Variants in GPC5 observed in about 807,000 individuals in gnomAD.
GPC5 encodes glypican 5, also known as glypican-5.
GPC5 carries 47 observed loss-of-function variants against 53.9 expected under a neutral mutation model. That is an observed-to-expected ratio of 0.87 (90% CI 0.69 to 1.11). GPC5 has a LOEUF of 1.11. GPC5 is among the 50% of genes most tolerant of loss of function. The pLI, the probability that GPC5 is intolerant of heterozygous loss-of-function variation, is 0.00. For synonymous variants in GPC5, 286 were observed against 263.3 expected (o/e 1.09, Z -0.84); for missense variants, 748 against 713.1 (o/e 1.05, Z -0.56).
intron 7 of GPC5, among the ~76,000 whole-genome samples, chr13:92,863,739 T>C (rs767263395): frequency 4.1e-4 from 62 of 152,130 alleles, no homozygotes; most frequent in Non-Finnish European, 8.8e-5. Flanking sequence ...GTGATCTGCC[T>C]GCATCAGCCT....
intron 5 of GPC5, among the ~76,000 whole-genome samples, chr13:91,896,391 T>C (rs1051801718): frequency 6.6e-6 from 1 of 152,148 alleles, no homozygotes; most frequent in African/African-American, 2.4e-5. Context: ...AGTGTTGGGA[T>C]TACAGGCATG....
intron 2 of GPC5, among the ~76,000 whole-genome samples, chr13:91,536,637 CTGTCTTCTCCCTGTGTATGTTCACAT>C (rs1255449916): frequency 6.6e-6 from 1 of 152,176 alleles, no homozygotes. Context: ...TTGTGCACGG[CTGTCTTCTCCCTGTGTATGTTCACAT>C]TGTCTTTCCT....
Position 91,412,392 on chromosome 13 carries a change from G to T in GPC5, c.163+13183G>T, listed in dbSNP as rs146866059. 5.6e-3 allele frequency among the ~76,000 whole-genome samples: 857 copies of T among 152,268 alleles called. 6 individuals carry two copies. Among genetic ancestry groups the T allele is most frequent in the African/African-American group, 0.02 (837 of 41,564 alleles). On this transcript the variant is annotated intron_variant, in intron 1 of 7. Coordinates refer to ENST00000377067, the MANE Select transcript of GPC5 (RefSeq NM_004466.6). ...GCCTTTCTTAAAAATAAAAGAACATGATTGTATTTGAATACATAACTTCTG... is the reference window on the plus strand; with the variant it reads ...GCCTTTCTTAAAAATAAAAGAACATTATTGTATTTGAATACATAACTTCTG...
At chr13:91,571,921 T>TACGTGTG (rs1426983247) in intron 2 of GPC5, among the ~76,000 whole-genome samples, 8 of 108,730 alleles carry the variant, frequency 7.4e-5, no homozygotes, top group South Asian at 4.5e-4. Flanking sequence ...TATACACATA[T>TACGTGTG]TGTATATATA....
chr13:92,865,068 T>A (rs1156721805), intron 7 of GPC5, among the ~76,000 whole-genome samples: 7 of 152,168 alleles, frequency 4.6e-5, no homozygotes, highest in South Asian at 4.1e-4. Flanking sequence ...TAATAAGTGA[T>A]GAATCAGTAA....
At chr13:92,776,233 G>A (rs1791358065) in intron 7 of GPC5, among the ~76,000 whole-genome samples, 2 of 152,094 alleles carry the variant, frequency 1.3e-5, no homozygotes, top group Non-Finnish European at 2.9e-5. Context: ...GGCCAGTAGT[G>A]TAGCGTCTTT....
intron 7 of GPC5, among the ~76,000 whole-genome samples, chr13:92,829,856 A>G (rs956684737): frequency 6.6e-6 from 1 of 152,278 alleles, no homozygotes; most frequent in Non-Finnish European, 1.5e-5. Flanking sequence ...AAAAGTAGAT[A>G]GAGAAAAGAT....
At chr13:92,058,654 C>A (rs529123745) in intron 6 of GPC5, among the ~76,000 whole-genome samples, 1 of 152,154 alleles carries the variant, frequency 6.6e-6, no homozygotes, top group Non-Finnish European at 1.5e-5. Context: ...GCAATTCTCC[C>A]TGCCTCAGCC....
intron 7 of GPC5, among the ~76,000 whole-genome samples, chr13:92,152,354 G>A (rs1365488169): frequency 1.3e-5 from 2 of 152,114 alleles, no homozygotes; most frequent in Non-Finnish European, 2.9e-5. Context: ...CTTAAGACCT[G>A]AATAAAAGCA....
intron 7 of GPC5, among the ~76,000 whole-genome samples, chr13:92,405,007 G>A (rs1189833768): frequency 1.3e-5 from 2 of 150,192 alleles, no homozygotes; most frequent in African/African-American, 4.9e-5. Context: ...AATTCCTATG[G>A]CATATTTCTG....
At chr13:92,092,450 T>C (rs903819668) in intron 6 of GPC5, among the ~76,000 whole-genome samples, 1 of 152,208 alleles carries the variant, frequency 6.6e-6, no homozygotes, top group South Asian at 2.1e-4. Context: ...AGCAGCTACC[T>C]GGTAAAATTA....
intron 7 of GPC5, among the ~76,000 whole-genome samples, chr13:92,677,870 A>G (rs1886998780): frequency 6.6e-6 from 1 of 152,144 alleles, no homozygotes; most frequent in Non-Finnish European, 1.5e-5. Context: ...AATCTTCACT[A>G]ATCTTCAGCT....
At chr13:91,891,931 C>T (rs2138969940) in intron 5 of GPC5, among the ~76,000 whole-genome samples, 1 of 152,140 alleles carries the variant, frequency 6.6e-6, no homozygotes, top group East Asian at 1.9e-4. Context: ...CAAAACAAAA[C>T]TGTGGGTGAC....
At chr13:92,150,126 C>CA (rs1323362048) in intron 7 of GPC5, among the ~76,000 whole-genome samples, 1 of 151,798 alleles carries the variant, frequency 6.6e-6, no homozygotes, top group East Asian at 1.9e-4. Context: ...TAAGGCTTAT[C>CA]ATTTATCCAT....
chr13:92,500,637 C>T (rs1373368259), intron 7 of GPC5, among the ~76,000 whole-genome samples: 1 of 152,138 alleles, frequency 6.6e-6, no homozygotes, highest in African/African-American at 2.4e-5. Flanking sequence ...TTCCCCCCAT[C>T]CTGAGTGAAC....
At chr13:91,773,692 T>C (rs2037663633) in intron 5 of GPC5, among the ~76,000 whole-genome samples, 2 of 152,158 alleles carry the variant, frequency 1.3e-5, no homozygotes, top group Admixed American at 6.5e-5. Context: ...TCCAGACCGA[T>C]AGATCAAGCT....
At chr13:92,175,936 C>A (rs770360936) in intron 7 of GPC5, among the ~76,000 whole-genome samples, 1 of 152,124 alleles carries the variant, frequency 6.6e-6, no homozygotes, top group African/African-American at 2.4e-5. Context: ...AGCTCTGTTC[C>A]TACTTTTTAG....
chr13:91,586,071 T>A (rs1594293206), intron 2 of GPC5, among the ~76,000 whole-genome samples: 2 of 143,406 alleles, frequency 1.4e-5, no homozygotes, highest in East Asian at 4.2e-4. Context: ...GATTTCTTGA[T>A]CTTATTCAAG....
chr13:91,707,570 A>G (rs1007402993), intron 3 of GPC5, among the ~76,000 whole-genome samples: 1 of 152,182 alleles, frequency 6.6e-6, no homozygotes, highest in Non-Finnish European at 1.5e-5. Flanking sequence ...GCAGTGAGCC[A>G]TGATCGCGCC....
Sources: allele counts gnomAD v4.1 joint callset (sites outside exome capture counted in the v4.1 genomes callset), GRCh38; gene constraint gnomAD v4.1.1; transcripts MANE v1.5; gene names NCBI Gene and HGNC (gene_info 2026-07-23, HGNC 2026-07-21).